Variants in FARS2 observed in about 807,000 individuals in gnomAD.
FARS2 encodes phenylalanine--tRNA ligase, mitochondrial.
In FARS2, 40 loss-of-function variants were observed where a neutral mutation model predicts 46.4. That is an observed-to-expected ratio of 0.86 (90% confidence interval 0.67 to 1.12). FARS2 has a LOEUF of 1.12. Ranked by LOEUF, FARS2 falls within the 50% of genes most tolerant of loss-of-function variation. The pLI is 0.00. For synonymous variants in FARS2, 234 were observed against 214.9 expected (o/e 1.09, Z -0.78); for missense variants, 513 against 567.9 (o/e 0.90, Z 0.98).
chr6:5,434,216 A>G (rs1763391662), intron 4 of FARS2, among the ~76,000 whole-genome samples: 1 of 152,098 alleles, frequency 6.6e-6, no homozygotes, highest in Non-Finnish European at 1.5e-5. Flanking sequence ...GGTTCAAGCG[A>G]TTCTTGTGCC....
At chr6:5,665,262 T>G (rs920966922) in intron 6 of FARS2, 11 of 152,378 alleles carry the variant, frequency 7.2e-5, no homozygotes, top group Non-Finnish European at 1.6e-4. Context: ...CATGGTCCGC[T>G]GGCAGGTGAA....
At chr6:5,381,593 G>A (rs1298272871) in intron 2 of FARS2, among the ~76,000 whole-genome samples, 1 of 152,112 alleles carries the variant, frequency 6.6e-6, no homozygotes, top group African/African-American at 2.4e-5. Context: ...ATCTGTTCTG[G>A]ATTCTTTCAG....
intron 6 of FARS2, among the ~76,000 whole-genome samples, chr6:5,624,136 G>T (rs1185134378): frequency 6.7e-6 from 1 of 150,224 alleles, no homozygotes; most frequent in Non-Finnish European, 1.5e-5. Context: ...AACTTTTGTT[G>T]TGGTGGTTCA....
At chr6:5,657,474 C>G (rs1360078702) in intron 6 of FARS2, among the ~76,000 whole-genome samples, 1 of 152,180 alleles carries the variant, frequency 6.6e-6, no homozygotes, top group Non-Finnish European at 1.5e-5. Flanking sequence ...CCTCCTGTTA[C>G]AGGATCACTG....
intron 6 of FARS2, among the ~76,000 whole-genome samples, chr6:5,683,324 G>A (rs1010393534): frequency 8.5e-5 from 13 of 152,178 alleles, no homozygotes; most frequent in Non-Finnish European, 1.6e-4. Flanking sequence ...GACACATCCT[G>A]GGTTTGGGAC....
chr6:5,564,975 C>T (rs1772241102), intron 5 of FARS2, among the ~76,000 whole-genome samples: 2 of 152,184 alleles, frequency 1.3e-5, no homozygotes, highest in Non-Finnish European at 2.9e-5. Context: ...AAGGGAAACA[C>T]ACACTTTCAG....
intron 6 of FARS2, among the ~76,000 whole-genome samples, chr6:5,769,137 T>G (rs1293902578): frequency 6.6e-6 from 1 of 152,190 alleles, no homozygotes; most frequent in Non-Finnish European, 1.5e-5. Context: ...TGATATATTT[T>G]GAGTTAGTTT....
upstream of FARS2, chr6:5,260,877 A>G: frequency 1.4e-6 from 2 of 1,441,744 alleles, no homozygotes; most frequent in Non-Finnish European, 1.8e-6. Context: ...CCTAAGCCTA[A>G]GCGGGCAGCC....
At chr6:5,659,027 C>T (rs983633990) in intron 6 of FARS2, among the ~76,000 whole-genome samples, 2 of 152,158 alleles carry the variant, frequency 1.3e-5, no homozygotes, top group Admixed American at 6.5e-5. Context: ...GCCCAGTGCC[C>T]GCGTTGGACT....
At chr6:5,542,569 C>T (rs1303356461) in intron 4 of FARS2, among the ~76,000 whole-genome samples, 1 of 152,172 alleles carries the variant, frequency 6.6e-6, no homozygotes, top group Non-Finnish European at 1.5e-5. Flanking sequence ...TTGGCCTCTA[C>T]CCACTAGATG....
In FARS2 at chr6:5,506,391, C is replaced by T. The variant is rs76112840; in HGVS notation, c.905-38789C>T. Reference sequence around the variant, plus strand: ...ACCCCACTGTGAGTTGAAACTAAAACCTGAACCTTGACTCTCAAGATTTGT... The same window carrying T: ...ACCCCACTGTGAGTTGAAACTAAAATCTGAACCTTGACTCTCAAGATTTGT... On this transcript the variant is annotated intron_variant, in intron 4 of 6. Transcript: ENST00000274680. 9.6e-3 allele frequency among the ~76,000 whole-genome samples: 1,456 copies of T among 152,278 alleles called. 18 individuals are homozygous for T. The highest frequency in any genetic ancestry group is 0.032 in the African/African-American group (1,344 of 41,542).
intron 4 of FARS2, among the ~76,000 whole-genome samples, chr6:5,508,308 C>A (rs1013794414): frequency 2.0e-5 from 3 of 152,200 alleles, no homozygotes; most frequent in African/African-American, 7.2e-5. Context: ...AGGGGATCAT[C>A]CCCCACGTGG....
upstream of FARS2, among the ~76,000 whole-genome samples, chr6:5,256,121 G>C (rs889246611): frequency 2.0e-5 from 3 of 151,898 alleles, no homozygotes; most frequent in African/African-American, 7.3e-5. Context: ...AAAATTAGTG[G>C]CTACGGATGC....
At position 5,407,066 on chromosome 6, in the gene FARS2, T is replaced by TATATAA. The variant is rs70975905; in HGVS notation, c.772+2366_772+2367insTATAAA. On this transcript the variant is annotated intron_variant, in intron 3 of 6. Transcript: ENST00000274680. ...AATTATATATATATATATATATATA[T>TATATAA]AATGACCAATAAATATATGAAAAGA... Among the ~76,000 whole-genome samples the TATATAA allele has an allele frequency of 7.0e-4, 77 of 109,688 alleles. 7 individuals carry two copies. Among genetic ancestry groups the TATATAA allele is most frequent in the Middle Eastern group, 6.2e-3 (1 of 162 alleles). The allele number at this position is 109,688 out of a possible 152,430, so 72.0% of individuals were successfully genotyped here. A position where few individuals can be genotyped will look rare whatever the true frequency, so the allele number is the denominator to read the frequency against.
chr6:5,753,766 C>T (rs138416930), intron 6 of FARS2, among the ~76,000 whole-genome samples: 2 of 152,272 alleles, frequency 1.3e-5, no homozygotes, highest in East Asian at 1.9e-4. Flanking sequence ...ATATGGTCAA[C>T]GTAGCCTTTC....
chr6:5,575,446 A>G (rs1383159346), intron 5 of FARS2, among the ~76,000 whole-genome samples: 1 of 152,228 alleles, frequency 6.6e-6, no homozygotes. Context: ...CCAATATTTG[A>G]GAGCAAATGG....
chr6:5,659,372 C>T (rs111504786), intron 6 of FARS2, among the ~76,000 whole-genome samples: 5,297 of 152,232 alleles, frequency 0.035, 180 homozygotes, highest in African/African-American at 0.094. Flanking sequence ...AGAGAGCTCA[C>T]GTTCACTCTG....
chr6:5,430,915 T>C, intron 3 of FARS2, 126 bp from the exon 4 acceptor site: 2 of 926,746 alleles, frequency 2.2e-6, no homozygotes, highest in South Asian at 1.9e-5. Flanking sequence ...TGCAAATTAG[T>C]TTATTTGCTA....
rs546703788 is a variant in FARS2, at chr6:5,431,586, G to A, written c.904+414G>A. 302 of 507,536 alleles carry A rather than the reference G, an allele frequency of 6.0e-4. 3 individuals carry two copies. The Middle Eastern group carries it at 0.01, about 17-fold the overall frequency. The allele number at this position is 507,536 out of a possible 1,614,324, so 31.4% of individuals were successfully genotyped here. A position where few individuals can be genotyped will look rare whatever the true frequency, so the allele number is the denominator to read the frequency against. ...CACTTAGTATAGTGTCCCAAATTCAGCAAGTATTTTATAAATACACTAAAA... is the reference window on the plus strand; with the variant it reads ...CACTTAGTATAGTGTCCCAAATTCAACAAGTATTTTATAAATACACTAAAA... On this transcript the variant is annotated intron_variant, in intron 4 of 6. Transcript: ENST00000274680.
Sources: gnomAD v4.1 joint callset for allele counts (sites outside exome capture counted in the v4.1 genomes callset) on GRCh38, gnomAD v4.1.1 for gene constraint, MANE v1.5 for transcripts, NCBI Gene and HGNC (gene_info 2026-07-23, HGNC 2026-07-21) for gene names.